Variants in PCNX2 observed in about 807,000 individuals in gnomAD.
PCNX2 encodes pecanex-like protein 2.
PCNX2 carries 168 observed loss-of-function variants against 223.8 expected under a neutral mutation model. The ratio of observed to expected loss-of-function variants is 0.75; its 90% CI spans 0.66 to 0.85. The LOEUF (loss-of-function observed/expected upper bound fraction) is 0.85. PCNX2 is among the 40% of genes least tolerant of loss of function. The pLI is 0.00. For missense variants in PCNX2, 2,507 were observed against 2,675.5 expected, an observed-to-expected ratio of 0.94 and a Z score of 1.39; for synonymous variants, 1,006 against 1,052.6, an observed-to-expected ratio of 0.96 and a Z score of 0.86.
chr1:233,236,623 C>T (rs1658431635), intron 9 of PCNX2, among the ~76,000 whole-genome samples: 1 of 152,206 alleles, frequency 6.6e-6, no homozygotes, highest in Non-Finnish European at 1.5e-5. Context: ...GCAACAGAGA[C>T]AGTGGCAATC....
intron 32 of PCNX2, among the ~76,000 whole-genome samples, chr1:232,994,433 T>C (rs1472136236): frequency 6.6e-6 from 1 of 152,256 alleles, no homozygotes; most frequent in Non-Finnish European, 1.5e-5. Flanking sequence ...CAATGCTTGT[T>C]CCCCCATTGT....
Position 233,252,634 on chromosome 1 carries a change from T to A in PCNX2, c.1982+7A>T. 6.2e-7 allele frequency: 1 copy of A among 1,605,992 alleles called. No homozygotes were observed. The highest frequency in any genetic ancestry group is 8.5e-7 in the Non-Finnish European group (1 of 1,177,860). The stretch of plus-strand genomic sequence containing the variant: ...AAGTGAAACTAAATTAAGTAACTTA[T>A]CCTTACAAGGCTGTGGTCTTGGCAG... On this transcript the variant is annotated splice_region_variant and intron_variant, in intron 6 of 33. Transcript: ENST00000258229.
At chr1:233,221,032 A>T (rs564957488) in intron 10 of PCNX2, among the ~76,000 whole-genome samples, 4 of 152,314 alleles carry the variant, frequency 2.6e-5, no homozygotes, top group African/African-American at 9.6e-5. Flanking sequence ...ACAAGGAAGG[A>T]TGGGAAACTC....
At chr1:233,043,512 C>T (rs1224085424) in intron 25 of PCNX2, among the ~76,000 whole-genome samples, 3 of 150,928 alleles carry the variant, frequency 2.0e-5, no homozygotes, top group Non-Finnish European at 4.4e-5. Flanking sequence ...CCCATTAACT[C>T]GTCATTTAGC....
chr1:233,151,609 AGCTGGAATCTGAG>A (rs895556146), intron 19 of PCNX2, among the ~76,000 whole-genome samples: 1 of 152,208 alleles, frequency 6.6e-6, no homozygotes, highest in Admixed American at 6.5e-5. Flanking sequence ...CTTGCTGGAG[AGCTGGAATCTGAG>A]GCTGGCAGCT....
chr1:233,261,814 C>T (rs946800911), intron 3 of PCNX2, among the ~76,000 whole-genome samples: 3 of 152,196 alleles, frequency 2.0e-5, no homozygotes, highest in Admixed American at 6.5e-5. Flanking sequence ...CGCAGGTGGA[C>T]GGCAGGGAAG....
intron 1 of PCNX2, among the ~76,000 whole-genome samples, chr1:233,275,252 G>A (rs1001466313): frequency 1.3e-5 from 2 of 152,176 alleles, no homozygotes; most frequent in Non-Finnish European, 2.9e-5. Context: ...CACCCAGGCT[G>A]GAGTGCGTGG....
chr1:233,153,413 T>C (rs759495580), intron 19 of PCNX2, among the ~76,000 whole-genome samples: 1 of 152,164 alleles, frequency 6.6e-6, no homozygotes, highest in African/African-American at 2.4e-5. Context: ...ACTACATAGC[T>C]ATTGGAATGG....
rs918096572 is a variant in PCNX2 at position 233,250,960 on chromosome 1, G to A, written c.2129-128C>T. On this transcript the variant is annotated intron_variant, in intron 7 of 33. Transcript: ENST00000258229. ...TGTTATAATAACTGTTGACAATCGG[G>A]GTCCATTCTTTATATTTCTGCACAG... The A allele has an allele frequency of 4.1e-6, 4 of 985,172 alleles. No homozygotes were observed. The African/African-American group carries it at 6.7e-5, about 17-fold the overall frequency. The allele number at this position is 985,172 out of a possible 1,614,324, so 61.0% of individuals were successfully genotyped here. A position where few individuals can be genotyped will look rare whatever the true frequency, so the allele number is the denominator to read the frequency against.
At chr1:233,053,213 GT>G (rs1295142509) in intron 25 of PCNX2, among the ~76,000 whole-genome samples, 5 of 151,938 alleles carry the variant, frequency 3.3e-5, no homozygotes, top group African/African-American at 1.2e-4. Flanking sequence ...GCTGCCTCAT[GT>G]CAAGTTGCCG....
chr1:233,162,848 A>T lies in PCNX2; in HGVS notation c.3274-1485T>A, dbSNP rs533739688. Among the ~76,000 whole-genome samples the T allele has an allele frequency of 2.6e-5, 4 of 152,318 alleles. No individual in the cohort carries two copies. The South Asian group carries it at 8.3e-4, about 32-fold the overall frequency. On this transcript the variant is annotated intron_variant, in intron 17 of 33. Transcript: ENST00000258229. ...TTCCCGAATATTCTAATTTAAAATCATGTGTTATGTTTAACTGACTAATCA... is the reference window on the plus strand; with the variant it reads ...TTCCCGAATATTCTAATTTAAAATCTTGTGTTATGTTTAACTGACTAATCA...
At chr1:233,026,629 A>C (rs1028583715) in intron 25 of PCNX2, among the ~76,000 whole-genome samples, 5 of 152,180 alleles carry the variant, frequency 3.3e-5, no homozygotes, top group African/African-American at 9.7e-5. Flanking sequence ...TTCTGGATAC[A>C]TTTGAAAGCA....
intron 13 of PCNX2, among the ~76,000 whole-genome samples, chr1:233,207,879 G>A (rs560580947): frequency 1.2e-4 from 19 of 152,256 alleles, no homozygotes; most frequent in South Asian, 4.1e-4. Flanking sequence ...ACTGAGAACC[G>A]TGCCCATTCA....
At chr1:233,223,158 T>C (rs1478063909) in intron 10 of PCNX2, among the ~76,000 whole-genome samples, 1 of 152,092 alleles carries the variant, frequency 6.6e-6, no homozygotes, top group Non-Finnish European at 1.5e-5. Flanking sequence ...ACCAAGAGAA[T>C]GCTGAGTCCT....
At chr1:233,281,122 A>G (rs1487112438) in intron 1 of PCNX2, among the ~76,000 whole-genome samples, 1 of 152,228 alleles carries the variant, frequency 6.6e-6, no homozygotes, top group East Asian at 1.9e-4. Flanking sequence ...ATATATAGTA[A>G]GAAAAAGTAT....
intron 1 of PCNX2, among the ~76,000 whole-genome samples, chr1:233,265,026 C>A (rs1660253039): frequency 6.6e-6 from 1 of 151,954 alleles, no homozygotes. Context: ...TTGCTTGAGC[C>A]CAAGAGTTCA....
chr1:233,269,875 C>T (rs1015085274), intron 1 of PCNX2, among the ~76,000 whole-genome samples: 7 of 152,194 alleles, frequency 4.6e-5, no homozygotes, highest in Admixed American at 4.6e-4. Flanking sequence ...GAACCTCCTA[C>T]TCAAGCTGCT....
the PCNX2 span, among the ~76,000 whole-genome samples, chr1:233,325,424 C>T: frequency 2.0e-5 from 3 of 149,486 alleles, no homozygotes; most frequent in South Asian, 2.1e-4. Context: ...TTTGGGAGGC[C>T]GAGGGGGGCG....
chr1:233,060,887 C>T (rs926366237), intron 23 of PCNX2, among the ~76,000 whole-genome samples: 4 of 152,216 alleles, frequency 2.6e-5, no homozygotes, highest in African/African-American at 7.2e-5. Context: ...TACTGAGAAG[C>T]ACCCCTCTTT....
Sources: allele counts gnomAD v4.1 joint callset (sites outside exome capture counted in the v4.1 genomes callset), GRCh38; gene constraint gnomAD v4.1.1; transcripts MANE v1.5; gene names NCBI Gene and HGNC (gene_info 2026-07-23, HGNC 2026-07-21).